Variants in COPG2 observed in about 807,000 individuals in gnomAD.
COPG2 encodes coat protein complex I subunit gamma 2.
COPG2 carries 37 observed loss-of-function variants against 46.3 expected under a neutral mutation model. The observed-to-expected ratio is 0.80, with a 90% CI of 0.61 to 1.05. COPG2 has a LOEUF of 1.05. COPG2 is among the 50% of genes least tolerant of loss of function. The pLI is 0.00. For missense variants in COPG2, 427 were observed against 387.8 expected, an observed-to-expected ratio of 1.10 and a Z score of -0.85; for synonymous variants, 159 against 129.7, an observed-to-expected ratio of 1.23 and a Z score of -1.53.
intron 3 of COPG2, among the ~76,000 whole-genome samples, chr7:130,665,518 G>T (rs1364079392): frequency 1.3e-5 from 2 of 152,056 alleles, no homozygotes; most frequent in African/African-American, 2.4e-5. Flanking sequence ...CGTACAGATG[G>T]TTTTTTGTCA....
intron 5 of COPG2, among the ~76,000 whole-genome samples, chr7:130,618,210 C>T (rs1327098561): frequency 1.3e-5 from 2 of 150,638 alleles, no homozygotes; most frequent in Non-Finnish European, 1.5e-5. Context: ...CAGATGCAAG[C>T]TTGGTTTTCC....
At chr7:130,539,991 A>G (rs1356638656) in intron 20 of COPG2, among the ~76,000 whole-genome samples, 1 of 145,408 alleles carries the variant, frequency 6.9e-6, no homozygotes, top group African/African-American at 2.5e-5. Flanking sequence ...AGAAGTGTGA[A>G]TCTTGGGCCA....
chr7:130,611,963 A>C (rs571392169), intron 8 of COPG2, among the ~76,000 whole-genome samples, 189 bp downstream of exon 8: 1 of 152,228 alleles, frequency 6.6e-6, no homozygotes, highest in African/African-American at 2.4e-5. Flanking sequence ...GCTTCTATGA[A>C]ACACCTGAAG....
chr7:130,623,543 T>C (rs1554453906), intron 5 of COPG2, among the ~76,000 whole-genome samples: 1 of 152,234 alleles, frequency 6.6e-6, no homozygotes, highest in Admixed American at 6.5e-5. Context: ...TTTCAGTGAC[T>C]TCCCAGCTAT....
chr7:130,548,206 T>C (rs928201908), intron 19 of COPG2, among the ~76,000 whole-genome samples, 197 bp downstream of exon 19: 2 of 152,226 alleles, frequency 1.3e-5, no homozygotes, highest in African/African-American at 4.8e-5. Context: ...TTCAGTTTTA[T>C]GTCCTTTAGA....
At chr7:130,613,505 T>G (rs1364728313) in intron 7 of COPG2, 39 bp downstream of exon 7, 1 of 1,273,672 alleles carries the variant, frequency 7.9e-7, no homozygotes, top group African/African-American at 1.5e-5. Context: ...CTCAAAACTG[T>G]ACCATGCTTA....
intron 20 of COPG2, among the ~76,000 whole-genome samples, chr7:130,538,852 T>C (rs1799909436): frequency 6.6e-6 from 1 of 151,800 alleles, no homozygotes; most frequent in South Asian, 2.1e-4. Flanking sequence ...CAACTGAAAA[T>C]ATGCACTACA....
intron 9 of COPG2, among the ~76,000 whole-genome samples, chr7:130,579,937 G>A (rs1303897204): frequency 6.6e-6 from 1 of 151,596 alleles, no homozygotes; most frequent in Non-Finnish European, 1.5e-5. Flanking sequence ...ACAGATCAAC[G>A]AGACAGAAAG....
intron 5 of COPG2, chr7:130,645,214 T>C: frequency 1.4e-6 from 1 of 700,440 alleles, no homozygotes; most frequent in Non-Finnish European, 2.6e-6. Flanking sequence ...CAGAATGAGC[T>C]ACTCGGCTGT....
intron 20 of COPG2, among the ~76,000 whole-genome samples, chr7:130,527,711 ACG>A (rs1799787031): frequency 2.0e-5 from 3 of 152,034 alleles, no homozygotes. Context: ...CCGGGCAGAT[ACG>A]TGGAGTGCGA....
At chr7:130,560,189 G>T (rs1341303898) in intron 12 of COPG2, among the ~76,000 whole-genome samples, 1 of 152,016 alleles carries the variant, frequency 6.6e-6, no homozygotes, top group African/African-American at 2.4e-5. Flanking sequence ...TTAATATGGA[G>T]AAGTATTTTT....
chr7:130,593,260 T>C (rs2116466788), intron 9 of COPG2, among the ~76,000 whole-genome samples: 1 of 152,344 alleles, frequency 6.6e-6, no homozygotes, highest in Non-Finnish European at 1.5e-5. Flanking sequence ...AATCACTAAC[T>C]GCAACTGGGA....
rs146377665 is a variant in COPG2, at chr7:130,647,013, A to G, written c.323+5856T>C. ...TATATATATGTGTATATATATATGT[A>G]TATATATATATGTGTATATATATAT... On this transcript the variant is annotated intron_variant, in intron 5 of 23. Transcript: ENST00000425248. 1.1e-3 allele frequency among the ~76,000 whole-genome samples: 148 copies of G among 132,622 alleles called. 2 individuals carry two copies. The highest frequency in any genetic ancestry group is 3.8e-3 in the African/African-American group (123 of 32,612). The allele number at this position is 132,622 out of a possible 152,430, so 87.0% of individuals were successfully genotyped here.
At chr7:130,611,945 G>A (rs1220406066) in intron 8 of COPG2, among the ~76,000 whole-genome samples, 1 of 152,144 alleles carries the variant, frequency 6.6e-6, no homozygotes, top group Non-Finnish European at 1.5e-5. Flanking sequence ...CCTACAAAGG[G>A]TCATCTAGCT....
At chr7:130,588,360 A>C (rs1417938800) in intron 9 of COPG2, among the ~76,000 whole-genome samples, 12 of 151,958 alleles carry the variant, frequency 7.9e-5, no homozygotes, top group African/African-American at 2.4e-4. Context: ...TGTTTATTGC[A>C]GCATTATTCA....
intron 20 of COPG2, among the ~76,000 whole-genome samples, chr7:130,517,272 CA>C (rs1427020084): frequency 6.6e-6 from 1 of 152,106 alleles, no homozygotes; most frequent in Non-Finnish European, 1.5e-5. Context: ...TCGTATAAAA[CA>C]GACAAAAGTT....
chr7:130,668,741 G>T lies in COPG2; in HGVS notation c.-73C>A. On this transcript the variant is annotated 5_prime_UTR_variant, in exon 1 of 24. Transcript: ENST00000425248. ...CCGCAGCCGGCGAGCGGAAGAGGCTGCAGGAAGGCCGGCCCCGCGCTCTCA... is the reference window on the plus strand; with the variant it reads ...CCGCAGCCGGCGAGCGGAAGAGGCTTCAGGAAGGCCGGCCCCGCGCTCTCA... 6.8e-7 allele frequency: 1 copy of T among 1,476,544 alleles called. No homozygotes were observed. The highest frequency in any genetic ancestry group is 9.1e-7 in the Non-Finnish European group (1 of 1,104,452). The allele number at this position is 1,476,544 out of a possible 1,614,324, so 91.5% of individuals were successfully genotyped here.
intron 9 of COPG2, chr7:130,603,858 T>C (rs1554450801): frequency 9.6e-6 from 5 of 519,468 alleles, no homozygotes; most frequent in Middle Eastern, 3.2e-4. Context: ...CATGTAACTT[T>C]TGACTCCCCC....
intron 5 of COPG2, among the ~76,000 whole-genome samples, chr7:130,620,392 C>T (rs139333166): frequency 2.6e-5 from 4 of 152,228 alleles, no homozygotes; most frequent in Non-Finnish European, 5.9e-5. Flanking sequence ...GATTTGGTTG[C>T]TGTAACATAA....
Sources: gnomAD v4.1 joint callset for allele counts (sites outside exome capture counted in the v4.1 genomes callset) on GRCh38, gnomAD v4.1.1 for gene constraint, MANE v1.5 for transcripts, NCBI Gene and HGNC (gene_info 2026-07-23, HGNC 2026-07-21) for gene names.